Variants in CNTN1 observed in about 807,000 individuals in gnomAD.
The protein encoded by CNTN1 is contactin 1.
Under a neutral mutation model 126.4 loss-of-function variants are expected in CNTN1, and 38 were observed. That is an observed-to-expected ratio of 0.30 (90% CI 0.23 to 0.39). The LOEUF is 0.39. Among genes scored for constraint, CNTN1 ranks in the 10% least tolerant of loss-of-function variants. The pLI, the probability that CNTN1 is intolerant of heterozygous loss-of-function variation, is 1.00. For synonymous variants in CNTN1, 413 were observed against 422.6 expected, an observed-to-expected ratio of 0.98 and a Z score of 0.28; for missense variants, 1,009 against 1,248.4, an observed-to-expected ratio of 0.81 and a Z score of 2.89.
At chr12:41,040,506 G>T (rs960050255) in intron 23 of CNTN1, among the ~76,000 whole-genome samples, 1 of 152,104 alleles carries the variant, frequency 6.6e-6, no homozygotes, top group Non-Finnish European at 1.5e-5. Context: ...ACTTTGGGCA[G>T]TATGGCCATT....
At chr12:40,792,993 A>G (rs766545893) in intron 1 of CNTN1, among the ~76,000 whole-genome samples, 1 of 152,110 alleles carries the variant, frequency 6.6e-6, no homozygotes, top group Non-Finnish European at 1.5e-5. Flanking sequence ...CATTAGTGAA[A>G]TAAACAGCCA....
Position 40,906,187 on chromosome 12 carries a change from C to T in CNTN1, c.-76-2170C>T, listed in dbSNP as rs1050652446. Among the ~76,000 whole-genome samples the T allele has an allele frequency of 7.9e-5, 12 of 152,082 alleles. No individual in the cohort carries two copies. The East Asian group carries it at 1.5e-3, about 20-fold the overall frequency. ...TCGGGAGGCTGAGGCAGGAGAATGGCGTGAACCCAGGAGGTGGAGCTTGCA... is the reference window on the plus strand; with the variant it reads ...TCGGGAGGCTGAGGCAGGAGAATGGTGTGAACCCAGGAGGTGGAGCTTGCA... On this transcript the variant is annotated intron_variant, in intron 1 of 23. Transcript: ENST00000551295.
chr12:40,725,005 G>A (rs1262113916), intron 1 of CNTN1, among the ~76,000 whole-genome samples: 1 of 152,134 alleles, frequency 6.6e-6, no homozygotes, highest in Non-Finnish European at 1.5e-5. Flanking sequence ...AAAGACAAAT[G>A]ACATGTGACC....
intron 1 of CNTN1, among the ~76,000 whole-genome samples, chr12:40,862,405 T>G (rs1853464956): frequency 6.6e-6 from 1 of 152,164 alleles, no homozygotes; most frequent in Admixed American, 6.6e-5. Flanking sequence ...AAATGTGGGT[T>G]TCCCTTTATG....
At chr12:41,006,621 G>A (rs1948499983) in intron 17 of CNTN1, among the ~76,000 whole-genome samples, 1 of 152,208 alleles carries the variant, frequency 6.6e-6, no homozygotes, top group African/African-American at 2.4e-5. Context: ...TTTCATGTAG[G>A]TATCTTTGAA....
intron 1 of CNTN1, among the ~76,000 whole-genome samples, chr12:40,723,651 A>T (rs1376608206): frequency 6.6e-6 from 1 of 152,194 alleles, no homozygotes; most frequent in East Asian, 1.9e-4. Context: ...GCATGAAGTG[A>T]TCACACCTTT....
At chr12:41,064,774 T>TAGATAGAC (rs1329815587) in intron 23 of CNTN1, among the ~76,000 whole-genome samples, 1 of 150,650 alleles carries the variant, frequency 6.6e-6, no homozygotes, top group African/African-American at 2.5e-5. Context: ...CCTCTCTAGA[T>TAGATAGAC]AGATAGATAG....
intron 1 of CNTN1, among the ~76,000 whole-genome samples, chr12:40,777,807 T>C (rs1219247085): frequency 2.0e-5 from 3 of 151,790 alleles, no homozygotes; most frequent in Non-Finnish European, 4.4e-5. Flanking sequence ...TCAACAACTT[T>C]GAGCTTCAGA....
intron 1 of CNTN1, among the ~76,000 whole-genome samples, chr12:40,839,442 T>C (rs773837344): frequency 6.6e-6 from 1 of 152,116 alleles, no homozygotes; most frequent in Admixed American, 6.5e-5. Context: ...AATCCCCAGG[T>C]TGATAAAATA....
chr12:40,936,389 T>A (rs1565986690), intron 9 of CNTN1, among the ~76,000 whole-genome samples: 1 of 151,936 alleles, frequency 6.6e-6, no homozygotes, highest in Non-Finnish European at 1.5e-5. Context: ...AATATCTGAG[T>A]CTTTATCCAA....
intron 15 of CNTN1, among the ~76,000 whole-genome samples, chr12:40,977,993 C>T (rs147069962): frequency 4.0e-5 from 6 of 151,820 alleles, no homozygotes; most frequent in African/African-American, 7.2e-5. Flanking sequence ...CGTAGAGATC[C>T]GGTTTCACTA....
At chr12:40,811,814 A>G (rs371084527) in intron 1 of CNTN1, among the ~76,000 whole-genome samples, 1 of 94,992 alleles carries the variant, frequency 1.1e-5, no homozygotes. Context: ...AAGGTTTGTT[A>G]ACTTTATCTT....
chr12:40,987,491 G>A (rs1947984297), intron 16 of CNTN1, among the ~76,000 whole-genome samples: 1 of 152,148 alleles, frequency 6.6e-6, no homozygotes. Flanking sequence ...GCGGACAAAT[G>A]ATAGAATATT....
chr12:40,969,029 C>T (rs1947403382), intron 15 of CNTN1, among the ~76,000 whole-genome samples: 1 of 152,158 alleles, frequency 6.6e-6, no homozygotes. Context: ...TTAATAGTTT[C>T]CCTTTTCAGC....
At chr12:40,834,337 A>G (rs1941965386) in intron 1 of CNTN1, among the ~76,000 whole-genome samples, 2 of 152,336 alleles carry the variant, frequency 1.3e-5, no homozygotes, top group South Asian at 2.1e-4. Context: ...AGATTGCATT[A>G]TAAGTTATTA....
intron 1 of CNTN1, among the ~76,000 whole-genome samples, chr12:40,714,659 A>T (rs1420171207): frequency 6.6e-6 from 1 of 152,000 alleles, no homozygotes; most frequent in East Asian, 1.9e-4. Flanking sequence ...TTTAACATGA[A>T]TTTTTTTTAT....
At chr12:40,811,534 T>A (rs1364333352) in intron 1 of CNTN1, among the ~76,000 whole-genome samples, 1 of 152,172 alleles carries the variant, frequency 6.6e-6, no homozygotes, top group Non-Finnish European at 1.5e-5. Flanking sequence ...GTCATCCATT[T>A]CTGGGCTTTT....
At chr12:40,710,042 A>C (rs1365982122) in intron 1 of CNTN1, among the ~76,000 whole-genome samples, 1 of 152,094 alleles carries the variant, frequency 6.6e-6, no homozygotes, top group Admixed American at 6.6e-5. Flanking sequence ...CTTCCTTACT[A>C]ATCTTAATAA....
At chr12:40,855,424 C>T (rs889640705) in intron 1 of CNTN1, among the ~76,000 whole-genome samples, 16 of 151,966 alleles carry the variant, frequency 1.1e-4, no homozygotes, top group African/African-American at 3.6e-4. Flanking sequence ...TCTTGCACAA[C>T]TCTAAAAATT....
Sources: gnomAD v4.1 joint callset for allele counts (sites outside exome capture counted in the v4.1 genomes callset) on GRCh38, gnomAD v4.1.1 for gene constraint, MANE v1.5 for transcripts, NCBI Gene and HGNC (gene_info 2026-07-23, HGNC 2026-07-21) for gene names.